The following SMO variants were observed in gnomAD, a reference collection of about 807,000 sequenced individuals.
SMO encodes the protein protein smoothened.
In SMO, 40 loss-of-function variants were observed where a neutral mutation model predicts 81.6. The ratio of observed to expected loss-of-function variants is 0.49; its 90% CI spans 0.38 to 0.64. SMO has a LOEUF of 0.64. Among genes scored for constraint, SMO ranks in the 30% least tolerant of loss-of-function variants. The probability of loss-of-function intolerance (pLI) is 0.00; values close to 1 mark genes in which losing one functional copy is unlikely to be tolerated. For missense variants in SMO, 916 were observed against 1,061.1 expected (o/e 0.86, Z 1.90); for synonymous variants, 434 against 432.1 (o/e 1.00, Z -0.05).
rs2150649346 is a variant in SMO, at chr7:129,205,737, A to G, written c.875A>G (p.Glu292Gly). ...CAGTTCATGGATGGTGCCCGCCGAG[A>G]GATCGTCTGCCGTGCAGATGGCACC... The part of the protein sequence containing the change: ...LAQFMDGARR[E>G]IVCRADGTMR... Residue 292 changes from glutamate (E) to glycine (G), a missense_variant, in exon 4 of 12, where the codon GAG becomes GGG. Transcript: ENST00000249373. 6.2e-7 allele frequency: 1 copy of G among 1,610,682 alleles called. No homozygotes were observed. The highest frequency in any genetic ancestry group is 1.1e-5 in the South Asian group (1 of 91,064).
chr7:129,190,594 T>A (rs1285019691), intron 1 of SMO, among the ~76,000 whole-genome samples: 2 of 152,254 alleles, frequency 1.3e-5, no homozygotes, highest in African/African-American at 4.8e-5. Flanking sequence ...GGAGTGTATG[T>A]AGGCCGCCTG....
Position 129,195,964 on chromosome 7 carries a change from G to A in SMO, c.331+6482G>A, listed in dbSNP as rs374024862. Among the ~76,000 whole-genome samples the A allele has an allele frequency of 1.3e-4, 19 of 151,970 alleles. No individual in the cohort carries two copies. In the East Asian group the frequency reaches 2.1e-3, roughly 17 times the overall value. On this transcript the variant is annotated intron_variant, in intron 1 of 11. Coordinates refer to ENST00000249373, the MANE Select transcript of SMO (RefSeq NM_005631.5). Reference sequence around the variant, plus strand: ...AAAATACAAAAAATTAGCCGGGCGCGGTGGTGGGCGCCTGTAGTCCCAGCT... The same window carrying A: ...AAAATACAAAAAATTAGCCGGGCGCAGTGGTGGGCGCCTGTAGTCCCAGCT...
chr7:129,194,382 C>T (rs1272265841), intron 1 of SMO, among the ~76,000 whole-genome samples: 1 of 152,096 alleles, frequency 6.6e-6, no homozygotes, highest in Admixed American at 6.5e-5. Flanking sequence ...TTCAATTTTG[C>T]TTCAGATCTT....
In SMO at chr7:129,197,436, CT is replaced by C. The variant is rs954600840; in HGVS notation, c.332-5938del. ...ATAGATGGATGTTGAATTTTATCAA[CT>C]TTTTTTTTTGGAGACGAAGTGTCAC... is the stretch of plus-strand genomic sequence containing the variant. On this transcript the variant is annotated intron_variant, in intron 1 of 11. Transcript: ENST00000249373. Among the ~76,000 whole-genome samples, 281 of 149,620 alleles carry C rather than the reference CT, an allele frequency of 1.9e-3. 4 individuals carry two copies. Among genetic ancestry groups the C allele is most frequent in the Non-Finnish European group, 2.4e-3 (164 of 67,242 alleles).
At position 129,211,993 on chromosome 7, in the gene SMO, C is replaced by T. The variant is rs749474968; in HGVS notation, c.1937-31C>T. On this transcript the variant is annotated intron_variant, in intron 11 of 11. Transcript: ENST00000249373. This position sits in a 1 kb window ranked among gnomAD's most constrained non-coding sequence, Gnocchi z 4.6. ...GGGGTGGCATGGACAGAGCCAGGGC[C>T]CCAGGCTCGTGTTGTCTCTCCTCCT... is the stretch of plus-strand genomic sequence containing the variant. 9 of 1,552,604 alleles carry T rather than the reference C, an allele frequency of 5.8e-6. No homozygotes were observed. The highest frequency in any genetic ancestry group is 7.8e-6 in the Non-Finnish European group (9 of 1,156,108).
In SMO at chr7:129,211,933, C is replaced by T; in HGVS notation, c.1937-91C>T. The T allele has an allele frequency of 7.0e-7, 1 of 1,431,646 alleles. No homozygotes were observed. Among genetic ancestry groups the T allele is most frequent in the African/African-American group, 1.4e-5 (1 of 70,508 alleles). 88.7% of individuals were successfully genotyped at this position (1,431,646 alleles called of 1,614,324 possible). ...CTCTAAGAGTCTAGAGACCTGGGCC[C>T]CAGAACTAACAGGTTAAGTGCTCCC... On this transcript the variant is annotated intron_variant, in intron 11 of 11. Transcript: ENST00000249373. This position sits in a 1 kb window ranked among gnomAD's most constrained non-coding sequence, Gnocchi z 4.6.
At position 129,189,005 on chromosome 7, in the gene SMO, A is replaced by C. The variant is rs1462180531; in HGVS notation, c.-147A>C. 3 of 617,376 alleles carry C rather than the reference A, an allele frequency of 4.9e-6. No homozygotes were observed. In the East Asian group the frequency reaches 1.1e-4, roughly 23 times the overall value. The allele number at this position is 617,376 out of a possible 1,614,324, so 38.2% of individuals were successfully genotyped here. On this transcript the variant is annotated 5_prime_UTR_variant, in exon 1 of 12. Transcript: ENST00000249373. The surrounding 1 kb of genome is among the most constrained non-coding windows in gnomAD (Gnocchi z 4.7). Reference sequence around the variant, plus strand: ...GGCGCCGAGGGGCCGGGGCGCGCGGAGCGTCCGGGGGGGCCCGGGCCCGGA... The same window carrying C: ...GGCGCCGAGGGGCCGGGGCGCGCGGCGCGTCCGGGGGGGCCCGGGCCCGGA...
intron 1 of SMO, among the ~76,000 whole-genome samples, chr7:129,199,649 T>C (rs1793636222): frequency 6.6e-6 from 1 of 151,998 alleles, no homozygotes; most frequent in Non-Finnish European, 1.5e-5. Flanking sequence ...GGTGGGAGGA[T>C]TAACTGAACC....
At position 129,203,365 on chromosome 7, in the gene SMO, A is replaced by G. The variant is rs1366225536; in HGVS notation, c.332-19A>G. Reference sequence around the variant, plus strand: ...AGAGTGAGGAGGGGCCTTCACTGCAATGCTGTTGCCACCCCCAGGCCTCCG... The same window carrying G: ...AGAGTGAGGAGGGGCCTTCACTGCAGTGCTGTTGCCACCCCCAGGCCTCCG... On this transcript the variant is annotated intron_variant, in intron 1 of 11. Transcript: ENST00000249373. 2 of 1,542,318 alleles carry G rather than the reference A, an allele frequency of 1.3e-6. No individual in the cohort carries two copies. Among genetic ancestry groups the G allele is most frequent in the South Asian group, 2.4e-5 (2 of 83,542 alleles).
intron 1 of SMO, among the ~76,000 whole-genome samples, chr7:129,194,598 G>A (rs1192910010): frequency 6.6e-6 from 1 of 151,822 alleles, no homozygotes; most frequent in Non-Finnish European, 1.5e-5. Flanking sequence ...TTTCTCTATG[G>A]TTTTACCTCC....
intron 1 of SMO, among the ~76,000 whole-genome samples, chr7:129,197,612 A>G (rs1157663036): frequency 6.6e-6 from 1 of 152,070 alleles, no homozygotes; most frequent in Non-Finnish European, 1.5e-5. Context: ...TATTTTTAGT[A>G]GAGACGGGGT....
At position 129,209,358 on chromosome 7, in the gene SMO, A is replaced by G; in HGVS notation, c.1427A>G (p.Asn476Ser). Residue 476 changes from asparagine (N) to serine (S), a missense_variant, in exon 8 of 12, where the codon AAC becomes AGC. Physicochemically the swap from Asn to Ser is conservative, Grantham distance 46. Coordinates refer to ENST00000249373, the MANE Select transcript of SMO (RefSeq NM_005631.5). ...TFSCHFYDFF[N>S]QAEWERSFRD... ...AGCTGCCACTTCTACGACTTCTTCA[A>G]CCAGGCTGAGTGGGAGCGCAGCTTC... 1.2e-6 allele frequency: 2 copies of G among 1,614,048 alleles called. No homozygotes were observed. Among genetic ancestry groups the G allele is most frequent in the East Asian group, 2.2e-5 (1 of 44,878 alleles).
At chr7:129,202,842 C>T (rs1793692766) in intron 1 of SMO, among the ~76,000 whole-genome samples, 1 of 152,120 alleles carries the variant, frequency 6.6e-6, no homozygotes, top group African/African-American at 2.4e-5. Flanking sequence ...GTAAATCCAC[C>T]CCGGGGAGCT....
chr7:129,205,821 G>A (rs1395197533), intron 4 of SMO, 39 bp downstream of exon 4: 1 of 1,580,712 alleles, frequency 6.3e-7, no homozygotes, highest in South Asian at 1.1e-5. Context: ...GGTACAGGGA[G>A]GAAGGCTGAA....
In SMO at chr7:129,210,456, C is replaced by T. The variant is rs2150653834; in HGVS notation, c.1560C>T (p.Ile520=). Residue 520 remains isoleucine, a synonymous_variant, in exon 9 of 12, where the codon ATC becomes ATT. Coordinates refer to ENST00000249373, the MANE Select transcript of SMO (RefSeq NM_005631.5). The surrounding 1 kb of genome is among the most constrained non-coding windows in gnomAD (Gnocchi z 4.7). ...KNRPSLLVEK[I]NLFAMFGTGI... The stretch of plus-strand genomic sequence containing the variant: ...GCCCGAGCCTTCTGGTGGAGAAGAT[C>T]AACCTGTTTGCCATGTTTGGAACTG... The T allele has an allele frequency of 1.2e-6, 2 of 1,614,112 alleles. No individual in the cohort carries two copies. The highest frequency in any genetic ancestry group is 1.7e-6 in the Non-Finnish European group (2 of 1,179,946).
chr7:129,199,824 CT>C (rs1217001482), intron 1 of SMO, among the ~76,000 whole-genome samples: 1 of 152,256 alleles, frequency 6.6e-6, no homozygotes, highest in East Asian at 1.9e-4. Flanking sequence ...ACGAAATATT[CT>C]TTTTTTAAAC....
intron 1 of SMO, among the ~76,000 whole-genome samples, chr7:129,197,987 G>C (rs1259631510): frequency 6.6e-6 from 1 of 152,164 alleles, no homozygotes; most frequent in Non-Finnish European, 1.5e-5. Context: ...AAATAATACT[G>C]ATAAAGCTGA....
chr7:129,193,789 T>A (rs59024287), intron 1 of SMO, among the ~76,000 whole-genome samples: 2,866 of 34,886 alleles, frequency 0.082, 135 homozygotes, highest in Non-Finnish European at 0.1. Context: ...AAAAAAAATA[T>A]ATATATATAT....
Position 129,210,945 on chromosome 7 carries a change from C to A in SMO, c.1653-20C>A, listed in dbSNP as rs2150654468. ...AGTGGCAGCTTCTTCACGCTCCTTC[C>A]CTATCCCTTCTGCTCTCAGGTTGAC... On this transcript the variant is annotated intron_variant, in intron 9 of 11. Coordinates refer to ENST00000249373, the MANE Select transcript of SMO (RefSeq NM_005631.5). The surrounding 1 kb of genome is among the most constrained non-coding windows in gnomAD (Gnocchi z 4.7). The A allele has an allele frequency of 6.3e-7, 1 of 1,588,038 alleles. No individual in the cohort carries two copies.
Sources: allele counts gnomAD v4.1 joint callset (sites outside exome capture counted in the v4.1 genomes callset), GRCh38; gene constraint gnomAD v4.1.1; non-coding constraint Gnocchi (gnomAD v3.1); transcripts MANE v1.5; gene names NCBI Gene and HGNC (gene_info 2026-07-23, HGNC 2026-07-21).